GNB1L: variants seen among roughly 807,000 people sequenced by gnomAD.
GNB1L encodes the protein G protein subunit beta 1 like.
Under a neutral mutation model 29.1 loss-of-function variants are expected in GNB1L, and 20 were observed. That is an observed-to-expected ratio of 0.69 (90% CI 0.48 to 1.00). The LOEUF (loss-of-function observed/expected upper bound fraction) is 1.00. Ranked by LOEUF, GNB1L falls within the 50% of genes least tolerant of loss-of-function variation. GNB1L has a pLI of 0.00. For missense variants in GNB1L, 421 were observed against 464.9 expected (o/e 0.91, Z 0.87); for synonymous variants, 193 against 206.5 (o/e 0.93, Z 0.56).
chr22:19,824,285 T>G (rs1361169648), intron 2 of GNB1L, among the ~76,000 whole-genome samples: 1 of 152,260 alleles, frequency 6.6e-6, no homozygotes, highest in Non-Finnish European at 1.5e-5. Context: ...TTAATCTAAT[T>G]GAGAATCATC....
chr22:19,813,450 G>A (rs768087058), intron 4 of GNB1L, among the ~76,000 whole-genome samples: 3 of 152,010 alleles, frequency 2.0e-5, no homozygotes, highest in Admixed American at 6.5e-5. Flanking sequence ...GTGGGAGGCC[G>A]AGGCAGGTGG....
intron 2 of GNB1L, among the ~76,000 whole-genome samples, chr22:19,831,395 A>G: frequency 6.6e-6 from 1 of 150,842 alleles, no homozygotes; most frequent in Non-Finnish European, 1.5e-5. Context: ...AATAAAATGG[A>G]TAATTCTGAC....
intron 2 of GNB1L, among the ~76,000 whole-genome samples, chr22:19,823,803 ACACACACACATG>A (rs1013599544): frequency 3.3e-5 from 5 of 152,102 alleles, no homozygotes; most frequent in South Asian, 2.1e-4. Context: ...CCATATGTGC[ACACACACACATG>A]CACACACACA....
intron 7 of GNB1L, chr22:19,793,162 A>C (rs1937270596): frequency 1.0e-6 from 1 of 996,890 alleles, no homozygotes. Context: ...TCAAAAAAAA[A>C]ATGAAAGGAA....
In GNB1L at chr22:19,816,919, C is replaced by T. The variant is rs1937529463; in HGVS notation, c.254+3679G>A. ...CCCTGCTTCTTTGACTGCCTGGCACCCCCTTCCCACCCCATCCAAGGGGCA... is the reference window on the plus strand; with the variant it reads ...CCCTGCTTCTTTGACTGCCTGGCACTCCCTTCCCACCCCATCCAAGGGGCA... On this transcript the variant is annotated intron_variant, in intron 4 of 7. Coordinates refer to ENST00000329517, the MANE Select transcript of GNB1L (RefSeq NM_053004.3). The surrounding 1 kb of genome is among the most constrained non-coding windows in gnomAD (Gnocchi z 4.4). Among the ~76,000 whole-genome samples, 1 of 152,204 alleles carries T rather than the reference C, an allele frequency of 6.6e-6. No homozygotes were observed. Among genetic ancestry groups the T allele is most frequent in the Admixed American group, 6.5e-5 (1 of 15,282 alleles).
At chr22:19,841,658 A>T (rs1937863242) in intron 2 of GNB1L, among the ~76,000 whole-genome samples, 1 of 152,186 alleles carries the variant, frequency 6.6e-6, no homozygotes, top group Admixed American at 6.5e-5. Flanking sequence ...AACAAAACAG[A>T]CTTAATGTCA....
chr22:19,819,707 T>G (rs1251790236), intron 4 of GNB1L, among the ~76,000 whole-genome samples: 1 of 152,180 alleles, frequency 6.6e-6, no homozygotes, highest in Non-Finnish European at 1.5e-5. Context: ...CCCTTCCTGC[T>G]GGGGTACAGT....
chr22:19,819,089 G>A lies in GNB1L; in HGVS notation c.254+1509C>T, dbSNP rs550513998. ...AGAACCCAGCCCTGGGCTAACCCTC[G>A]GGGGCTGCCCCTCCCTGCTCTGCTG... On this transcript the variant is annotated intron_variant, in intron 4 of 7. Coordinates refer to ENST00000329517, the MANE Select transcript of GNB1L (RefSeq NM_053004.3). Among the ~76,000 whole-genome samples, 21 of 152,296 alleles carry A rather than the reference G, an allele frequency of 1.4e-4. No individual in the cohort carries two copies. The East Asian group carries it at 2.9e-3, about 21-fold the overall frequency.
chr22:19,831,670 G>A (rs1282756184), intron 2 of GNB1L, among the ~76,000 whole-genome samples: 33 of 150,284 alleles, frequency 2.2e-4, no homozygotes, highest in Admixed American at 1.5e-3. Flanking sequence ...CAGCCTGGGC[G>A]ACAGAGTGAG....
At position 19,788,574 on chromosome 22, in the gene GNB1L, G is replaced by C; in HGVS notation, c.*135C>G. On this transcript the variant is annotated 3_prime_UTR_variant, in exon 8 of 8. Transcript: ENST00000329517. ...CAAAAGGAAATACCAACCTCATGAA[G>C]ACAGCGGGGACTCCATGGTCCTTGG... 6.3e-6 allele frequency: 7 copies of C among 1,110,626 alleles called. No homozygotes were observed. The highest frequency in any genetic ancestry group is 9.7e-6 in the Non-Finnish European group (7 of 721,312). The allele number at this position is 1,110,626 out of a possible 1,614,324, so 68.8% of individuals were successfully genotyped here.
chr22:19,804,107 G>A (rs577000613), intron 6 of GNB1L, among the ~76,000 whole-genome samples: 25 of 152,392 alleles, frequency 1.6e-4, no homozygotes, highest in Admixed American at 6.5e-4. Flanking sequence ...GCCAGCCCCT[G>A]CTATGCCCCT....
chr22:19,836,071 T>C (rs1937760299), intron 2 of GNB1L, among the ~76,000 whole-genome samples: 1 of 152,078 alleles, frequency 6.6e-6, no homozygotes. Context: ...CAGAAATAAA[T>C]ATTTTTAAAG....
At chr22:19,807,741 C>T (rs552619892) in intron 5 of GNB1L, among the ~76,000 whole-genome samples, 28 of 152,296 alleles carry the variant, frequency 1.8e-4, no homozygotes, top group African/African-American at 6.3e-4. Flanking sequence ...GTTGGTCCAG[C>T]GGTCTCTGGC....
chr22:19,824,625 CCGCGGAGGCAGCTCGG>C (rs1247434233), intron 2 of GNB1L, among the ~76,000 whole-genome samples: 1 of 152,266 alleles, frequency 6.6e-6, no homozygotes, highest in Non-Finnish European at 1.5e-5. Flanking sequence ...CAATGCACCA[CCGCGGAGGCAGCTCGG>C]CAGGCCCCAG....
At chr22:19,848,154 C>A (rs1938010181) in intron 2 of GNB1L, 1 of 985,138 alleles carries the variant, frequency 1.0e-6, no homozygotes, top group African/African-American at 1.7e-5. Context: ...GTTTTCCTTG[C>A]AGACAGGTAC....
intron 6 of GNB1L, among the ~76,000 whole-genome samples, chr22:19,804,207 C>T (rs1370944039): frequency 1.3e-5 from 2 of 152,272 alleles, no homozygotes; most frequent in Non-Finnish European, 1.5e-5. Context: ...TTGATGCTGC[C>T]TGACCTCTGC....
At chr22:19,791,799 C>T (rs1260210363) in intron 7 of GNB1L, among the ~76,000 whole-genome samples, 1 of 152,206 alleles carries the variant, frequency 6.6e-6, no homozygotes, top group African/African-American at 2.4e-5. Context: ...GCTACCAGAA[C>T]GGCTTCACTT....
At chr22:19,823,470 T>C (rs757016665) in intron 2 of GNB1L, among the ~76,000 whole-genome samples, 1 of 152,204 alleles carries the variant, frequency 6.6e-6, no homozygotes, top group Non-Finnish European at 1.5e-5. Flanking sequence ...GTGCTATGCC[T>C]GCCAGGTAAG....
At chr22:19,846,522 C>A in intron 2 of GNB1L, 1 of 985,460 alleles carries the variant, frequency 1.0e-6, no homozygotes, top group Non-Finnish European at 1.2e-6. Context: ...CCCAATATAG[C>A]GCTGCCAGGA....
Sources: gnomAD v4.1 joint callset for allele counts (sites outside exome capture counted in the v4.1 genomes callset) on GRCh38, gnomAD v4.1.1 for gene constraint, Gnocchi (gnomAD v3.1) non-coding constraint, MANE v1.5 for transcripts, NCBI Gene and HGNC (gene_info 2026-07-23, HGNC 2026-07-21) for gene names.